The following NAV1 variants were observed in gnomAD, a reference collection of about 807,000 sequenced individuals.
NAV1 encodes the protein neuron navigator 1, also known as pore membrane and/or filament interacting like protein 3.
A neutral mutation model predicts 175.2 loss-of-function variants in NAV1; 18 were observed. The observed-to-expected ratio is 0.10, with a 90% CI of 0.07 to 0.15. The LOEUF is 0.15. NAV1 is among the 10% of genes least tolerant of loss of function. The pLI, the probability that NAV1 is intolerant of heterozygous loss-of-function variation, is 1.00. For missense variants in NAV1, 1,731 were observed against 2,436.6 expected (o/e 0.71, Z 6.10); for synonymous variants, 897 against 978.7 (o/e 0.92, Z 1.56).
intron 2 of NAV1, among the ~76,000 whole-genome samples, chr1:201,604,549 G>A (rs1212843149): frequency 6.6e-6 from 1 of 152,042 alleles, no homozygotes; most frequent in Non-Finnish European, 1.5e-5. Context: ...GGGCATGCTA[G>A]CACGCACCTA....
upstream of NAV1, among the ~76,000 whole-genome samples, chr1:201,643,294 TC>T (rs1371168553): frequency 6.7e-6 from 1 of 148,630 alleles, no homozygotes; most frequent in Non-Finnish European, 1.5e-5. Flanking sequence ...TTTCTTCCCT[TC>T]CTTCTCTTTC....
At chr1:201,661,228 C>G (rs1174371990) in intron 1 of NAV1, among the ~76,000 whole-genome samples, 1 of 152,198 alleles carries the variant, frequency 6.6e-6, no homozygotes, top group Non-Finnish European at 1.5e-5. Context: ...CTACATCAGT[C>G]TAGCAATGGT....
chr1:201,722,330 A>G (rs377534830), intron 3 of NAV1, among the ~76,000 whole-genome samples: 13 of 152,340 alleles, frequency 8.5e-5, no homozygotes, highest in African/African-American at 2.4e-4. Flanking sequence ...ACTCTAGGTA[A>G]CCCATATAAG....
At chr1:201,779,715 A>G (rs1676198332) in intron 3 of NAV1, among the ~76,000 whole-genome samples, 1 of 152,110 alleles carries the variant, frequency 6.6e-6, no homozygotes, top group Admixed American at 6.6e-5. Flanking sequence ...TTTTGGATAC[A>G]GATGTTTACA....
intron 1 of NAV1, among the ~76,000 whole-genome samples, chr1:201,582,283 G>T (rs1666891932): frequency 6.6e-6 from 1 of 152,156 alleles, no homozygotes; most frequent in Non-Finnish European, 1.5e-5. Flanking sequence ...GCTGAGAACT[G>T]GCTACATGAG....
At chr1:201,682,478 C>T (rs961959090) in intron 1 of NAV1, among the ~76,000 whole-genome samples, 1 of 152,160 alleles carries the variant, frequency 6.6e-6, no homozygotes, top group African/African-American at 2.4e-5. Context: ...GCTCTAAGAA[C>T]CTTGGTGATA....
At chr1:201,793,529 T>C in intron 13 of NAV1, 1 of 442,352 alleles carries the variant, frequency 2.3e-6, no homozygotes, top group Non-Finnish European at 4.2e-6. Context: ...AGGTTTTAGA[T>C]CTCAAGTCTC....
exon 30 of NAV1, chr1:201,821,551 C>CACACA (rs1491448398): frequency 1.4e-5 from 2 of 138,884 alleles, no homozygotes; most frequent in Non-Finnish European, 3.2e-5. Context: ...CACACACACA[C>CACACA]AAGACCTGGG....
At chr1:201,699,828 C>G (rs868276643) in intron 1 of NAV1, among the ~76,000 whole-genome samples, 16 of 152,280 alleles carry the variant, frequency 1.1e-4, no homozygotes, top group Admixed American at 2.6e-4. Flanking sequence ...GTGACAAAAA[C>G]AAGAAATGGG....
chr1:201,584,923 G>T (rs1216613590), intron 1 of NAV1, among the ~76,000 whole-genome samples: 2 of 152,204 alleles, frequency 1.3e-5, no homozygotes, highest in Non-Finnish European at 2.9e-5. Flanking sequence ...AGAGGAGAAG[G>T]GCCCCTGCCT....
At chr1:201,667,426 G>T (rs1285467371) in intron 1 of NAV1, among the ~76,000 whole-genome samples, 1 of 152,142 alleles carries the variant, frequency 6.6e-6, no homozygotes, top group East Asian at 1.9e-4. Flanking sequence ...AGCCAGGTGG[G>T]ATCATCATCC....
At chr1:201,714,838 C>T (rs1214625270) in intron 2 of NAV1, among the ~76,000 whole-genome samples, 1 of 152,194 alleles carries the variant, frequency 6.6e-6, no homozygotes, top group East Asian at 1.9e-4. Context: ...CAGCTCCAGC[C>T]TCCTGGTGCC....
At chr1:201,613,023 T>C (rs1667901739) in intron 2 of NAV1, among the ~76,000 whole-genome samples, 1 of 151,902 alleles carries the variant, frequency 6.6e-6, no homozygotes, top group South Asian at 2.1e-4. Flanking sequence ...GGAGGGAGGG[T>C]ACGTGTCAGA....
intron 2 of NAV1, among the ~76,000 whole-genome samples, chr1:201,640,553 C>T (rs573126748): frequency 6.6e-6 from 1 of 152,342 alleles, no homozygotes; most frequent in African/African-American, 2.4e-5. Flanking sequence ...CTGGACAGAG[C>T]AGAGATTTAG....
chr1:201,600,962 T>C (rs1425861866), intron 2 of NAV1, among the ~76,000 whole-genome samples: 2 of 152,196 alleles, frequency 1.3e-5, no homozygotes, highest in Non-Finnish European at 2.9e-5. Flanking sequence ...TGCTGTTCTC[T>C]TTTCCTCTTC....
intron 2 of NAV1, among the ~76,000 whole-genome samples, chr1:201,593,962 G>C (rs1288058429): frequency 6.6e-6 from 1 of 152,122 alleles, no homozygotes; most frequent in East Asian, 1.9e-4. Flanking sequence ...AGGGTAGTGG[G>C]ACCACCATCA....
upstream of NAV1, among the ~76,000 whole-genome samples, chr1:201,620,735 C>T (rs2102275230): frequency 6.6e-6 from 1 of 152,134 alleles, no homozygotes; most frequent in South Asian, 2.1e-4. Context: ...TCCCAAAGTG[C>T]TGGGATTACA....
intron 1 of NAV1, among the ~76,000 whole-genome samples, chr1:201,667,369 C>T (rs545974386): frequency 2.4e-4 from 36 of 152,174 alleles, no homozygotes; most frequent in Non-Finnish European, 5.0e-4. Flanking sequence ...TTCTCTGGAG[C>T]TGATGGTCTC....
exon 1 of NAV1, chr1:201,648,892 G>A (rs912057899): frequency 4.5e-5 from 73 of 1,612,560 alleles, no homozygotes; most frequent in Non-Finnish European, 6.2e-5. Flanking sequence ...GTGGACAGCC[G>A]TGTCCCCGGC....
Sources: allele counts gnomAD v4.1 joint callset (sites outside exome capture counted in the v4.1 genomes callset), GRCh38; gene constraint gnomAD v4.1.1; transcripts MANE v1.5; gene names NCBI Gene and HGNC (gene_info 2026-07-23, HGNC 2026-07-21).